The following TANC2 variants were observed in gnomAD, a reference collection of about 807,000 sequenced individuals.
The protein encoded by TANC2 is tetratricopeptide repeat, ankyrin repeat and coiled-coil containing 2.
In TANC2, 26 loss-of-function variants were observed where a neutral mutation model predicts 210.5. The observed-to-expected ratio is 0.12, with a 90% CI of 0.09 to 0.17. The LOEUF (loss-of-function observed/expected upper bound fraction) is 0.17, where lower values mean the gene tolerates loss of function less well. Ranked by LOEUF, TANC2 falls within the 10% of genes least tolerant of loss-of-function variation. TANC2 has a pLI of 1.00. For missense variants in TANC2, 2,129 were observed against 2,608.9 expected (o/e 0.82, Z 4.01); for synonymous variants, 931 against 967.1 (o/e 0.96, Z 0.69).
intron 3 of TANC2, among the ~76,000 whole-genome samples, chr17:63,089,599 T>C (rs2037105135): frequency 6.6e-6 from 1 of 152,202 alleles, no homozygotes; most frequent in Non-Finnish European, 1.5e-5. Context: ...TAATTAGTTA[T>C]TAAACTTTCT....
At chr17:63,246,250 T>TG (rs1567850124) in intron 8 of TANC2, among the ~76,000 whole-genome samples, 2 of 151,398 alleles carry the variant, frequency 1.3e-5, no homozygotes, top group African/African-American at 2.4e-5. Context: ...GAACTTTTTT[T>TG]TTTGTTTTTT....
intron 7 of TANC2, among the ~76,000 whole-genome samples, chr17:63,213,143 G>T (rs966098621): frequency 6.6e-6 from 1 of 152,158 alleles, no homozygotes; most frequent in Non-Finnish European, 1.5e-5. Context: ...ACCTTTACAA[G>T]TGTAATGTTT....
At chr17:63,221,601 C>G (rs1034386245) in intron 7 of TANC2, among the ~76,000 whole-genome samples, 1 of 152,072 alleles carries the variant, frequency 6.6e-6, no homozygotes, top group African/African-American at 2.4e-5. Flanking sequence ...ATAAAATGAG[C>G]AAGCGATTTG....
At chr17:63,197,219 A>C (rs895190272) in intron 6 of TANC2, among the ~76,000 whole-genome samples, 1 of 152,208 alleles carries the variant, frequency 6.6e-6, no homozygotes, top group Non-Finnish European at 1.5e-5. Context: ...GGGAAATAAC[A>C]TACATTATGC....
At chr17:63,086,798 G>A (rs10438758) in intron 3 of TANC2, among the ~76,000 whole-genome samples, 9,793 of 144,362 alleles carry the variant, frequency 0.068, 391 homozygotes, top group African/African-American at 0.13. Flanking sequence ...CTAGAGGTTT[G>A]TAAAATGCAC....
At chr17:63,022,534 G>A (rs2034394417) in intron 2 of TANC2, among the ~76,000 whole-genome samples, 4 of 152,156 alleles carry the variant, frequency 2.6e-5, no homozygotes, top group Admixed American at 2.6e-4. Context: ...GCCTGGCCAT[G>A]TAAAGAATGA....
At chr17:62,993,302 T>C (rs1243464370) in intron 1 of TANC2, among the ~76,000 whole-genome samples, 1 of 152,220 alleles carries the variant, frequency 6.6e-6, no homozygotes, top group Non-Finnish European at 1.5e-5. Context: ...GTTTTGGCTA[T>C]TCTGGGTCCC....
intron 9 of TANC2, among the ~76,000 whole-genome samples, chr17:63,273,683 A>T (rs1598750077): frequency 6.6e-6 from 1 of 152,210 alleles, no homozygotes; most frequent in East Asian, 1.9e-4. Context: ...ACACCTCCAA[A>T]GAGCTCCCAA....
chr17:63,244,027 C>G (rs1267486938), intron 8 of TANC2, among the ~76,000 whole-genome samples: 1 of 152,100 alleles, frequency 6.6e-6, no homozygotes, highest in Middle Eastern at 3.2e-3. Flanking sequence ...AGATGGATTT[C>G]CCATCTAAAC....
intron 3 of TANC2, among the ~76,000 whole-genome samples, chr17:63,093,537 A>T (rs1310035105): frequency 1.3e-5 from 2 of 152,132 alleles, no homozygotes; most frequent in African/African-American, 4.8e-5. Context: ...TCTTGAAATT[A>T]TATACTGTTT....
chr17:63,099,276 A>G (rs1215394219), exon 4 of TANC2: 4 of 1,596,720 alleles, frequency 2.5e-6, no homozygotes, highest in Non-Finnish European at 3.4e-6. Context: ...TATGGAGGGC[A>G]TGTCTCGCTC....
At chr17:63,107,244 A>G (rs2037862094) in intron 4 of TANC2, among the ~76,000 whole-genome samples, 1 of 151,714 alleles carries the variant, frequency 6.6e-6, no homozygotes, top group South Asian at 2.1e-4. Context: ...TATAAAAAGC[A>G]TTTCCAGGGA....
chr17:63,268,452 T>C (rs1327762801), intron 9 of TANC2, among the ~76,000 whole-genome samples: 3 of 152,196 alleles, frequency 2.0e-5, no homozygotes, highest in African/African-American at 7.2e-5. Context: ...ATGAAACATA[T>C]GAATTTCTTG....
rs1288255244 is a variant in TANC2, at chr17:63,053,687, C to G, written c.68-20256C>G. ...TTTCTATGCCTATTTGTCTAATAAG[C>G]ATTTGAAACTTAGTATTTCCAAAAC... is the stretch of plus-strand genomic sequence containing the variant. On this transcript the variant is annotated intron_variant, in intron 2 of 27. Coordinates refer to ENST00000689528, the Ensembl canonical transcript of TANC2. 3.9e-5 allele frequency among the ~76,000 whole-genome samples: 6 copies of G among 152,212 alleles called. No homozygotes were observed. The East Asian group carries it at 1.2e-3, about 29-fold the overall frequency.
chr17:63,114,676 T>C (rs1347217011), intron 4 of TANC2, among the ~76,000 whole-genome samples: 1 of 152,092 alleles, frequency 6.6e-6, no homozygotes, highest in Non-Finnish European at 1.5e-5. Context: ...TTAAGCACAA[T>C]AGAGTTTAGC....
rs540020675 is a variant in TANC2, at chr17:63,274,954, A to G, written c.1159+7081A>G. Reference sequence around the variant, plus strand: ...AAGCTCTCTCATTCCGCAGAGAAAGATAGAAACTAAGTTTGCTGCCTATTA... The same window carrying G: ...AAGCTCTCTCATTCCGCAGAGAAAGGTAGAAACTAAGTTTGCTGCCTATTA... On this transcript the variant is annotated intron_variant, in intron 9 of 27. Coordinates refer to ENST00000689528, the Ensembl canonical transcript of TANC2. Among the ~76,000 whole-genome samples, 11 of 152,292 alleles carry G rather than the reference A, an allele frequency of 7.2e-5. No homozygotes were observed. In the South Asian group the frequency reaches 2.3e-3, roughly 32 times the overall value.
Position 63,205,372 on chromosome 17 carries a change from A to AAAAC in TANC2, c.769+4415_769+4416insAAAC, listed in dbSNP as rs1472135033. On this transcript the variant is annotated intron_variant, in intron 7 of 27. Coordinates refer to ENST00000689528, the Ensembl canonical transcript of TANC2. The stretch of plus-strand genomic sequence containing the variant: ...AAAAAAAAAAAAAAAAAAAAAAAAA[A>AAAAC]CCTCATACACCGAAAACTACAAAAC... Among the ~76,000 whole-genome samples the AAAAC allele has an allele frequency of 3.0e-4, 40 of 131,850 alleles. 3 individuals are homozygous for AAAAC. Among genetic ancestry groups the AAAAC allele is most frequent in the African/African-American group, 5.9e-4 (19 of 32,128 alleles). 86.5% of individuals were successfully genotyped at this position (131,850 alleles called of 152,430 possible).
intron 12 of TANC2, among the ~76,000 whole-genome samples, chr17:63,348,897 C>A (rs2046502726): frequency 6.6e-6 from 1 of 151,970 alleles, no homozygotes; most frequent in Admixed American, 6.6e-5. Context: ...AATTGAGAAA[C>A]CTTATCATTT....
intron 2 of TANC2, among the ~76,000 whole-genome samples, chr17:63,027,767 A>G (rs1412557479): frequency 2.6e-5 from 4 of 152,154 alleles, no homozygotes; most frequent in Non-Finnish European, 5.9e-5. Flanking sequence ...TTGGTATGAT[A>G]CAGCAATCAT....
Sources: gnomAD v4.1 joint callset for allele counts (sites outside exome capture counted in the v4.1 genomes callset) on GRCh38, gnomAD v4.1.1 for gene constraint, MANE v1.5 for transcripts, NCBI Gene and HGNC (gene_info 2026-07-23, HGNC 2026-07-21) for gene names.